The following FSTL5 variants were observed in gnomAD, a reference collection of about 807,000 sequenced individuals.
The protein encoded by FSTL5 is follistatin like 5.
FSTL5 carries 62 observed loss-of-function variants against 89.1 expected under a neutral mutation model. That is an observed-to-expected ratio of 0.70 (90% CI 0.57 to 0.86). FSTL5 has a LOEUF of 0.86. Among genes scored for constraint, FSTL5 ranks in the 40% least tolerant of loss-of-function variants. The pLI is 0.00. For missense variants in FSTL5, 1,057 were observed against 1,001.6 expected, an observed-to-expected ratio of 1.06 and a Z score of -0.75; for synonymous variants, 383 against 346.2, an observed-to-expected ratio of 1.11 and a Z score of -1.18.
intron 7 of FSTL5, among the ~76,000 whole-genome samples, chr4:161,620,779 T>C (rs2126645673): frequency 6.6e-6 from 1 of 152,300 alleles, no homozygotes; most frequent in Non-Finnish European, 1.5e-5. Context: ...ATGGTAAATA[T>C]GTAGGTAAAT....
At chr4:161,809,144 G>C (rs932760058) in intron 4 of FSTL5, among the ~76,000 whole-genome samples, 1 of 152,096 alleles carries the variant, frequency 6.6e-6, no homozygotes, top group Non-Finnish European at 1.5e-5. Context: ...GCGTGAACCC[G>C]GGAGGCGGAG....
chr4:162,102,489 T>C (rs1731033549), intron 2 of FSTL5, among the ~76,000 whole-genome samples: 1 of 149,992 alleles, frequency 6.7e-6, no homozygotes. Flanking sequence ...GCACATATGA[T>C]GTTTTCTACC....
chr4:161,755,045 T>A (rs920523264), intron 6 of FSTL5, among the ~76,000 whole-genome samples: 1 of 152,042 alleles, frequency 6.6e-6, no homozygotes, highest in African/African-American at 2.4e-5. Context: ...TACACTACCT[T>A]ACCAGAGAAT....
intron 7 of FSTL5, among the ~76,000 whole-genome samples, chr4:161,603,756 G>A (rs540619948): frequency 1.3e-5 from 2 of 152,196 alleles, no homozygotes; most frequent in African/African-American, 2.4e-5. Context: ...GAGACAGAAC[G>A]TCTCCGAGAC....
At chr4:162,145,578 A>C (rs1201654458) in intron 1 of FSTL5, among the ~76,000 whole-genome samples, 1 of 152,146 alleles carries the variant, frequency 6.6e-6, no homozygotes, top group Non-Finnish European at 1.5e-5. Context: ...GCCCTGTCTC[A>C]ACATGGACAT....
rs1730753103 is a variant in FSTL5 at position 162,096,368 on chromosome 4, A to T, written c.126+14903T>A. On this transcript the variant is annotated intron_variant, in intron 2 of 15. Coordinates refer to ENST00000306100, the MANE Select transcript of FSTL5 (RefSeq NM_020116.5). ...GCAATGAAAACATTCTCCTCCAACA[A>T]AATTTATGTCACAATATATAAATAT... is the stretch of plus-strand genomic sequence containing the variant. 2.0e-5 allele frequency among the ~76,000 whole-genome samples: 3 copies of T among 150,680 alleles called. No homozygotes were observed. The South Asian group carries it at 6.2e-4, about 31-fold the overall frequency.
Position 161,988,092 on chromosome 4 carries a change from G to A in FSTL5, c.160+45533C>T, listed in dbSNP as rs142151200. 5.2e-3 allele frequency among the ~76,000 whole-genome samples: 793 copies of A among 151,692 alleles called. 11 individuals carry two copies. The highest frequency in any genetic ancestry group is 0.018 in the African/African-American group (747 of 41,388). The stretch of plus-strand genomic sequence containing the variant: ...AAAAAAAAACAGAGAAAAGTAATGG[G>A]AGAGGAAAGATCTCTCTAATACTAG... On this transcript the variant is annotated intron_variant, in intron 3 of 15. Coordinates refer to ENST00000306100, the MANE Select transcript of FSTL5 (RefSeq NM_020116.5).
In FSTL5 at chr4:161,437,565, C is replaced by CAAAAAAAAAAAAAAA. The variant is rs56229701; in HGVS notation, c.1841+17424_1841+17438dup. 6.7e-3 allele frequency among the ~76,000 whole-genome samples: 459 copies of CAAAAAAAAAAAAAAA among 68,452 alleles called. 37 individuals are homozygous for CAAAAAAAAAAAAAAA. The highest frequency in any genetic ancestry group is 9.5e-3 in the Non-Finnish European group (397 of 41,580). 44.9% of individuals were successfully genotyped at this position (68,452 alleles called of 152,430 possible). A position where few individuals can be genotyped will look rare whatever the true frequency, so the allele number is the denominator to read the frequency against. On this transcript the variant is annotated intron_variant, in intron 15 of 15. Transcript: ENST00000306100. ...CTGGTGACAGAGTGAGACTCCGTCT[C>CAAAAAAAAAAAAAAA]AAAAAAAAAAAAAAAAACGAGGTCA...
At chr4:161,714,240 T>C (rs1314243891) in intron 6 of FSTL5, among the ~76,000 whole-genome samples, 1 of 152,176 alleles carries the variant, frequency 6.6e-6, no homozygotes, top group Non-Finnish European at 1.5e-5. Flanking sequence ...TGAGGTCACT[T>C]CATGACATGC....
At chr4:161,490,203 C>T (rs1364392630) in intron 12 of FSTL5, among the ~76,000 whole-genome samples, 1 of 152,024 alleles carries the variant, frequency 6.6e-6, no homozygotes, top group African/African-American at 2.4e-5. Flanking sequence ...CGAAAACAAA[C>T]TTTTAAGGAA....
intron 6 of FSTL5, among the ~76,000 whole-genome samples, chr4:161,733,145 T>C (rs1739674771): frequency 6.6e-6 from 1 of 151,966 alleles, no homozygotes; most frequent in Non-Finnish European, 1.5e-5. Flanking sequence ...TTGTTTCTTC[T>C]TTAATTTCTC....
intron 3 of FSTL5, among the ~76,000 whole-genome samples, chr4:161,922,852 T>C (rs1011221727): frequency 1.3e-5 from 2 of 151,930 alleles, no homozygotes; most frequent in African/African-American, 4.8e-5. Flanking sequence ...GTTGATATGG[T>C]ACTGGGCAAG....
At chr4:161,461,233 G>C (rs1560906176) in intron 13 of FSTL5, among the ~76,000 whole-genome samples, 1 of 148,420 alleles carries the variant, frequency 6.7e-6, no homozygotes, top group Admixed American at 6.8e-5. Flanking sequence ...GAGGCAGGCG[G>C]ATCAGGAGGT....
chr4:162,019,648 T>C (rs1317668678), intron 3 of FSTL5, among the ~76,000 whole-genome samples: 1 of 151,852 alleles, frequency 6.6e-6, no homozygotes, highest in Non-Finnish European at 1.5e-5. Flanking sequence ...AAATATATTC[T>C]CAATATCTTT....
rs1352358393 is a variant in FSTL5 at position 162,002,592 on chromosome 4, C to T, written c.160+31033G>A. On this transcript the variant is annotated intron_variant, in intron 3 of 15. Coordinates refer to ENST00000306100, the MANE Select transcript of FSTL5 (RefSeq NM_020116.5). ...TTCAGGCTATGTTTCATGGTAGTCA[C>T]ATAGAGGAATGCTAGTTTCTAGTTC... Among the ~76,000 whole-genome samples, 4 of 152,310 alleles carry T rather than the reference C, an allele frequency of 2.6e-5. No individual in the cohort carries two copies. In the East Asian group the frequency reaches 7.7e-4, roughly 29 times the overall value.
intron 3 of FSTL5, among the ~76,000 whole-genome samples, chr4:162,010,470 T>C (rs1049188851): frequency 6.6e-6 from 1 of 152,200 alleles, no homozygotes; most frequent in African/African-American, 2.4e-5. Flanking sequence ...ACACACCATG[T>C]AGTTCACTCT....
At chr4:161,399,459 G>A (rs979830519) in intron 15 of FSTL5, among the ~76,000 whole-genome samples, 4 of 152,028 alleles carry the variant, frequency 2.6e-5, no homozygotes, top group Non-Finnish European at 5.9e-5. Context: ...ATTTTTCATT[G>A]CCATAAGTTT....
chr4:161,953,167 A>T (rs1241617746), intron 3 of FSTL5, among the ~76,000 whole-genome samples: 1 of 151,694 alleles, frequency 6.6e-6, no homozygotes, highest in Non-Finnish European at 1.5e-5. Flanking sequence ...ATATTTTTAA[A>T]ATATGTCTGT....
At chr4:161,953,214 T>C (rs979331172) in intron 3 of FSTL5, among the ~76,000 whole-genome samples, 2 of 151,750 alleles carry the variant, frequency 1.3e-5, no homozygotes, top group African/African-American at 4.8e-5. Context: ...TTCTGCAATA[T>C]ACTATACAAG....
Sources: gnomAD v4.1 joint callset for allele counts (sites outside exome capture counted in the v4.1 genomes callset) on GRCh38, gnomAD v4.1.1 for gene constraint, MANE v1.5 for transcripts, NCBI Gene and HGNC (gene_info 2026-07-23, HGNC 2026-07-21) for gene names.